Variants in AOAH observed in about 807,000 individuals in gnomAD.
AOAH encodes the protein acyloxyacyl hydrolase (neutrophil).
A neutral mutation model predicts 92.2 loss-of-function variants in AOAH; 64 were observed. The ratio of observed to expected loss-of-function variants is 0.69; its 90% CI spans 0.57 to 0.86. The LOEUF (loss-of-function observed/expected upper bound fraction) is 0.86. Among genes scored for constraint, AOAH ranks in the 40% least tolerant of loss-of-function variants. AOAH has a pLI of 0.00. For missense variants in AOAH, 656 were observed against 694.6 expected (o/e 0.94, Z 0.62); for synonymous variants, 263 against 254.5 (o/e 1.03, Z -0.32).
chr7:36,618,346 CT>C lies in AOAH; in HGVS notation c.703-2del. The C allele has an allele frequency of 6.2e-7, 1 of 1,613,908 alleles. No individual in the cohort carries two copies. ...GAACTCCATCTTTTGGATCGACACC[CT>C]TTAAAAAAGAAACGATGTGATTAGC... On this transcript the variant is annotated splice_acceptor_variant, in intron 9 of 20. Coordinates refer to ENST00000617537, the MANE Select transcript of AOAH (RefSeq NM_001637.4). LOFTEE classifies it high-confidence loss of function.
intron 13 of AOAH, among the ~76,000 whole-genome samples, chr7:36,571,591 G>C (rs972853591): frequency 6.6e-6 from 1 of 152,208 alleles, no homozygotes; most frequent in African/African-American, 2.4e-5. Context: ...TCAGGAGTCT[G>C]TCTGCTGCTG....
At chr7:36,529,001 T>A (rs1180310487) in intron 19 of AOAH, among the ~76,000 whole-genome samples, 1 of 152,188 alleles carries the variant, frequency 6.6e-6, no homozygotes, top group Non-Finnish European at 1.5e-5. Context: ...ATTTTGCTTA[T>A]CCAAAAGCAT....
intron 16 of AOAH, among the ~76,000 whole-genome samples, chr7:36,533,020 T>C (rs1343603990): frequency 6.6e-6 from 1 of 152,194 alleles, no homozygotes; most frequent in Admixed American, 6.5e-5. Context: ...GACACCCTTA[T>C]TTTTTAGTGC....
intron 13 of AOAH, among the ~76,000 whole-genome samples, chr7:36,560,999 A>G (rs145286074): frequency 1.3e-5 from 2 of 151,280 alleles, no homozygotes; most frequent in African/African-American, 4.9e-5. Context: ...TACTTTCTGA[A>G]TAGTATCTAT....
intron 1 of AOAH, among the ~76,000 whole-genome samples, chr7:36,696,771 A>G (rs970137599): frequency 1.3e-5 from 2 of 151,992 alleles, no homozygotes; most frequent in Non-Finnish European, 2.9e-5. Context: ...GAGGCAGGAG[A>G]ATTGCTTGAG....
At chr7:36,577,024 C>CTTTTTTTTTTTTTTTTT (rs565396541) in intron 12 of AOAH, among the ~76,000 whole-genome samples, 2 of 131,436 alleles carry the variant, frequency 1.5e-5, no homozygotes, top group Non-Finnish European at 3.3e-5. Flanking sequence ...TGTTGCCTTT[C>CTTTTTTTTTTTTTTTTT]TTTTTTTTTT....
At chr7:36,573,825 G>A (rs1342385579) in intron 13 of AOAH, among the ~76,000 whole-genome samples, 2 of 152,216 alleles carry the variant, frequency 1.3e-5, no homozygotes, top group African/African-American at 2.4e-5. Context: ...AATAGGAGCT[G>A]TTTCTTTAAT....
At chr7:36,610,159 CAAAAA>C (rs71553082) in intron 11 of AOAH, among the ~76,000 whole-genome samples, 8 of 49,278 alleles carry the variant, frequency 1.6e-4, no homozygotes, top group Admixed American at 3.0e-4. Context: ...TCCATAATAG[CAAAAA>C]AAAAAAAAAA....
chr7:36,570,042 A>G (rs571359547), intron 13 of AOAH, among the ~76,000 whole-genome samples: 2 of 152,122 alleles, frequency 1.3e-5, no homozygotes, highest in Admixed American at 6.5e-5. Context: ...CTGTTCTCTT[A>G]ATAGATTTTT....
chr7:36,601,506 C>T (rs1208681550), intron 11 of AOAH, among the ~76,000 whole-genome samples: 1 of 152,228 alleles, frequency 6.6e-6, no homozygotes, highest in Non-Finnish European at 1.5e-5. Context: ...ACAATAAACA[C>T]TTCCCATCTG....
chr7:36,678,709 G>C (rs10951491), intron 2 of AOAH, among the ~76,000 whole-genome samples: 36,038 of 151,876 alleles, frequency 0.24, 4,956 homozygotes, highest in African/African-American at 0.38. Context: ...AGTCTTCTGT[G>C]ATTGTTAGCT....
intron 1 of AOAH, among the ~76,000 whole-genome samples, chr7:36,689,526 C>A (rs181573186): frequency 6.6e-6 from 1 of 152,166 alleles, no homozygotes; most frequent in Non-Finnish European, 1.5e-5. Context: ...TGTCCTCCCA[C>A]GGCTTTGATG....
chr7:36,628,383 T>C (rs1191339669), intron 6 of AOAH, among the ~76,000 whole-genome samples: 1 of 152,174 alleles, frequency 6.6e-6, no homozygotes, highest in African/African-American at 2.4e-5. Context: ...CCAAAAAACT[T>C]GATCACTCCA....
chr7:36,637,971 T>C, intron 4 of AOAH, 61 bp from the exon 5 acceptor site: 1 of 1,372,152 alleles, frequency 7.3e-7, no homozygotes, highest in South Asian at 1.2e-5. Context: ...CCTACATCTT[T>C]TCTAAAATTA....
intron 13 of AOAH, among the ~76,000 whole-genome samples, chr7:36,572,287 C>A (rs1420143805): frequency 6.6e-6 from 1 of 151,808 alleles, no homozygotes; most frequent in Non-Finnish European, 1.5e-5. Flanking sequence ...TTGCTTGAGC[C>A]CAAGAATTCA....
intron 3 of AOAH, among the ~76,000 whole-genome samples, chr7:36,669,129 G>T (rs1346920279): frequency 6.6e-6 from 1 of 152,144 alleles, no homozygotes; most frequent in Admixed American, 6.5e-5. Flanking sequence ...CTGTGGCAGG[G>T]TTAGGGGAAT....
intron 1 of AOAH, among the ~76,000 whole-genome samples, chr7:36,710,877 T>C (rs959014212): frequency 7.2e-5 from 10 of 139,042 alleles, no homozygotes; most frequent in African/African-American, 2.6e-4. Context: ...AACCCTTTTG[T>C]GTCCTTGCTA....
At position 36,532,431 on chromosome 7, in the gene AOAH, A is replaced by G. The variant is rs77416265; in HGVS notation, c.1307-87T>C. The G allele has an allele frequency of 2.9e-3, 3,575 of 1,228,974 alleles. 95 individuals are homozygous for G. The African/African-American group carries it at 0.047, about 16-fold the overall frequency. 76.1% of individuals were successfully genotyped at this position (1,228,974 alleles called of 1,614,324 possible). On this transcript the variant is annotated intron_variant, in intron 16 of 20. Transcript: ENST00000617537. ...CTGGGGGCTTCCCTGCCTCCCTTGCAGAAAGTCACTATTTCCAGGGTGTTC... is the reference window on the plus strand; with the variant it reads ...CTGGGGGCTTCCCTGCCTCCCTTGCGGAAAGTCACTATTTCCAGGGTGTTC...
chr7:36,515,205 AACACCACACAC>A (rs1306864599), intron 20 of AOAH, among the ~76,000 whole-genome samples: 2 of 117,826 alleles, frequency 1.7e-5, no homozygotes, highest in African/African-American at 3.4e-5. Flanking sequence ...ACCACACACA[AACACCACACAC>A]ACACCACACA....
Sources: gnomAD v4.1 joint callset for allele counts (sites outside exome capture counted in the v4.1 genomes callset) on GRCh38, gnomAD v4.1.1 for gene constraint, MANE v1.5 for transcripts, NCBI Gene and HGNC (gene_info 2026-07-23, HGNC 2026-07-21) for gene names.